SLC24A3: variants seen among roughly 807,000 people sequenced by gnomAD.
The protein encoded by SLC24A3 is sodium/potassium/calcium exchanger 3.
SLC24A3 carries 28 observed loss-of-function variants against 75.8 expected under a neutral mutation model. The ratio of observed to expected loss-of-function variants is 0.37; its 90% CI spans 0.27 to 0.51. The LOEUF (loss-of-function observed/expected upper bound fraction) is 0.51, where lower values mean the gene tolerates loss of function less well. Among genes scored for constraint, SLC24A3 ranks in the 20% least tolerant of loss-of-function variants. SLC24A3 has a pLI of 0.94. For synonymous variants in SLC24A3, 372 were observed against 334.1 expected, an observed-to-expected ratio of 1.11 and a Z score of -1.24; for missense variants, 663 against 847.8, an observed-to-expected ratio of 0.78 and a Z score of 2.71.
intron 2 of SLC24A3, among the ~76,000 whole-genome samples, chr20:19,332,997 G>A (rs1985036429): frequency 6.6e-6 from 1 of 152,178 alleles, no homozygotes; most frequent in South Asian, 2.1e-4. Flanking sequence ...AGGCTAAAGG[G>A]GCTGTGTCTG....
intron 8 of SLC24A3, among the ~76,000 whole-genome samples, chr20:19,672,509 A>C (rs2032480355): frequency 6.6e-6 from 1 of 151,740 alleles, no homozygotes; most frequent in African/African-American, 2.4e-5. Flanking sequence ...CTAATTTTTT[A>C]ATTTTTTTCT....
At chr20:19,542,445 C>T (rs1267961315) in intron 3 of SLC24A3, among the ~76,000 whole-genome samples, 1 of 152,128 alleles carries the variant, frequency 6.6e-6, no homozygotes, top group Non-Finnish European at 1.5e-5. Flanking sequence ...GTGAAATCAC[C>T]TGTGTTTTGT....
chr20:19,570,437 A>AC (rs1288730096), intron 3 of SLC24A3, among the ~76,000 whole-genome samples: 7 of 151,696 alleles, frequency 4.6e-5, no homozygotes, highest in Non-Finnish European at 8.8e-5. Flanking sequence ...GTACAAGAAT[A>AC]CCCCCCTGTG....
At chr20:19,716,402 G>C (rs928548710) in intron 15 of SLC24A3, among the ~76,000 whole-genome samples, 1 of 117,230 alleles carries the variant, frequency 8.5e-6, no homozygotes, top group Non-Finnish European at 1.7e-5. Flanking sequence ...TTTGGTTAAA[G>C]ATGAGATTAA....
At chr20:19,613,550 C>A (rs1343581393) in intron 6 of SLC24A3, among the ~76,000 whole-genome samples, 2 of 152,198 alleles carry the variant, frequency 1.3e-5, no homozygotes, top group Non-Finnish European at 2.9e-5. Flanking sequence ...CAAAATACAT[C>A]TATTCCCCGT....
At chr20:19,635,221 A>G (rs1411738895) in intron 6 of SLC24A3, among the ~76,000 whole-genome samples, 1 of 152,246 alleles carries the variant, frequency 6.6e-6, no homozygotes, top group Non-Finnish European at 1.5e-5. Context: ...AATAATGCAT[A>G]GCGAGAGTAG....
intron 2 of SLC24A3, among the ~76,000 whole-genome samples, chr20:19,464,454 G>A (rs1316963061): frequency 1.3e-5 from 2 of 152,234 alleles, no homozygotes; most frequent in African/African-American, 2.4e-5. Context: ...GCCCATTCAC[G>A]TGCATGCTCA....
intron 2 of SLC24A3, among the ~76,000 whole-genome samples, chr20:19,368,971 G>T (rs1018796833): frequency 2.6e-5 from 4 of 152,208 alleles, no homozygotes; most frequent in African/African-American, 9.6e-5. Context: ...GAATGAACAA[G>T]ATGAGAAAAT....
chr20:19,432,094 A>G (rs887588721), intron 2 of SLC24A3, among the ~76,000 whole-genome samples: 1 of 152,120 alleles, frequency 6.6e-6, no homozygotes, highest in Admixed American at 6.5e-5. Flanking sequence ...AGGTCATCAA[A>G]GGCACCACTG....
intron 3 of SLC24A3, among the ~76,000 whole-genome samples, chr20:19,547,297 G>A (rs1032276692): frequency 6.6e-6 from 1 of 152,156 alleles, no homozygotes; most frequent in African/African-American, 2.4e-5. Context: ...TCTAGATGCT[G>A]TATGATTTTA....
rs1474196431 is a variant in SLC24A3, at chr20:19,292,213, A to G, written c.271+11126A>G. 3.3e-5 allele frequency among the ~76,000 whole-genome samples: 5 copies of G among 152,198 alleles called. No individual in the cohort carries two copies. In the East Asian group the frequency reaches 9.6e-4, roughly 29 times the overall value. On this transcript the variant is annotated intron_variant, in intron 2 of 16. Coordinates refer to ENST00000328041, the MANE Select transcript of SLC24A3 (RefSeq NM_020689.4). ...AGTCTTTAACACACAGCCAGTGCTC[A>G]GTCCCTGAGTGGATGCCCATTTTCC...
intron 1 of SLC24A3, among the ~76,000 whole-genome samples, chr20:19,272,748 G>T (rs1361682408): frequency 3.3e-5 from 5 of 152,238 alleles, no homozygotes; most frequent in African/African-American, 1.2e-4. Flanking sequence ...TGGTGGTTCA[G>T]TGATTACCCA....
intron 2 of SLC24A3, among the ~76,000 whole-genome samples, chr20:19,389,688 A>G (rs923226549): frequency 6.6e-6 from 1 of 152,134 alleles, no homozygotes; most frequent in African/African-American, 2.4e-5. Flanking sequence ...TGAGAATTGT[A>G]TTATAATTGT....
intron 2 of SLC24A3, among the ~76,000 whole-genome samples, chr20:19,309,910 C>T (rs1460208940): frequency 6.6e-6 from 1 of 152,126 alleles, no homozygotes; most frequent in East Asian, 1.9e-4. Context: ...CCAGGAGTGA[C>T]TCTGGGTCAT....
chr20:19,483,440 T>G (rs1988087140), intron 2 of SLC24A3, among the ~76,000 whole-genome samples: 1 of 152,148 alleles, frequency 6.6e-6, no homozygotes, highest in Admixed American at 6.5e-5. Context: ...CACATTTCAG[T>G]GGATTGTGGG....
At chr20:19,441,320 G>T (rs1203132554) in intron 2 of SLC24A3, among the ~76,000 whole-genome samples, 4 of 152,068 alleles carry the variant, frequency 2.6e-5, no homozygotes, top group Admixed American at 1.3e-4. Flanking sequence ...CCACACACAG[G>T]GCTAGCACAG....
intron 9 of SLC24A3, among the ~76,000 whole-genome samples, chr20:19,679,238 C>T (rs940107616): frequency 2.6e-5 from 4 of 152,132 alleles, no homozygotes; most frequent in African/African-American, 9.7e-5. Context: ...AACCAGACAC[C>T]GTCTGCAATC....
chr20:19,594,669 T>C (rs2031428119), intron 6 of SLC24A3, among the ~76,000 whole-genome samples: 1 of 152,030 alleles, frequency 6.6e-6, no homozygotes, highest in Non-Finnish European at 1.5e-5. Context: ...AGGTGATAGA[T>C]TGGTAGGTAG....
intron 1 of SLC24A3, among the ~76,000 whole-genome samples, chr20:19,251,689 G>T (rs1982658609): frequency 6.6e-6 from 1 of 152,138 alleles, no homozygotes; most frequent in Non-Finnish European, 1.5e-5. Context: ...GTTGAGGGTT[G>T]CTCACATCCC....
Sources: gnomAD v4.1 joint callset for allele counts (sites outside exome capture counted in the v4.1 genomes callset) on GRCh38, gnomAD v4.1.1 for gene constraint, MANE v1.5 for transcripts, NCBI Gene and HGNC (gene_info 2026-07-23, HGNC 2026-07-21) for gene names.